RPL18: variants seen among roughly 807,000 people sequenced by gnomAD.
RPL18 encodes the protein large ribosomal subunit protein eL18.
In RPL18, 4 loss-of-function variants were observed where a neutral mutation model predicts 25.0. The ratio of observed to expected loss-of-function variants is 0.16; its 90% confidence interval spans 0.08 to 0.37. The LOEUF (loss-of-function observed/expected upper bound fraction) is 0.37, where lower values mean the gene tolerates loss of function less well. Among genes scored for constraint, RPL18 ranks in the 10% least tolerant of loss-of-function variants. The pLI is 1.00. For synonymous variants in RPL18, 129 were observed against 101.6 expected (o/e 1.27, Z -1.62); for missense variants, 179 against 267.9 (o/e 0.67, Z 2.32).
intron 4 of RPL18, 102 bp downstream of exon 4, chr19:48,616,624 T>C (rs1601138970): frequency 2.4e-6 from 2 of 848,124 alleles, no homozygotes; most frequent in Non-Finnish European, 3.9e-6. Context: ...TCACCAGCGG[T>C]GGCAAGACTG....
intron 1 of RPL18, chr19:48,618,839 A>G: frequency 2.0e-6 from 1 of 505,348 alleles, no homozygotes; most frequent in Non-Finnish European, 3.5e-6. Context: ...AAAGCCAAAT[A>G]ACTAAGAGTG....
rs1974136939 is a variant in RPL18 at position 48,615,402 on chromosome 19, G to A, written c.537C>T (p.Gly179=). 1.1e-5 allele frequency: 18 copies of A among 1,613,044 alleles called. No individual in the cohort carries two copies. Among genetic ancestry groups the A allele is most frequent in the Non-Finnish European group, 1.4e-5 (16 of 1,179,512 alleles). ...TTTTGTAGCCTCGGCTGGCCCGTCG[G>A]CCTCTGGCACGCTCGAACTTCCGGC... ...SKGRKFERAR[G]RRASRGYKN Residue 179 remains glycine, a synonymous_variant, in exon 7 of 7, where the codon GGC becomes GGT. Transcript: ENST00000549920.
chr19:48,615,669 T>A (rs1373656632), intron 6 of RPL18: 20 of 644,210 alleles, frequency 3.1e-5, no homozygotes, highest in Non-Finnish European at 4.9e-5. Flanking sequence ...GTGAACTGCA[T>A]GCTCCCCAGG....
Position 48,615,466 on chromosome 19 carries a change from G to A in RPL18, c.492-19C>T. 6.3e-7 allele frequency: 1 copy of A among 1,599,458 alleles called. No homozygotes were observed. On this transcript the variant is annotated intron_variant, in intron 6 of 6. Coordinates refer to ENST00000549920, the MANE Select transcript of RPL18 (RefSeq NM_000979.4). ...GTAGGGTCTGTGGGGAGAGGAGGGAGTGAGAGGGGGGCCCTCTTAAAGGAG... is the reference window on the plus strand; with the variant it reads ...GTAGGGTCTGTGGGGAGAGGAGGGAATGAGAGGGGGGCCCTCTTAAAGGAG...
At chr19:48,618,826 A>G in intron 1 of RPL18, 1 of 466,826 alleles carries the variant, frequency 2.1e-6, no homozygotes, top group South Asian at 2.8e-5. Context: ...AGATAAAGGC[A>G]GCAAAGCCAA....
At position 48,617,909 on chromosome 19, in the gene RPL18, A is replaced by G. The variant is rs368552562; in HGVS notation, c.4-32T>C. 5.6e-5 allele frequency: 84 copies of G among 1,501,578 alleles called. No homozygotes were observed. In the African/African-American group the frequency reaches 9.8e-4, roughly 17 times the overall value. 93.0% of individuals were successfully genotyped at this position (1,501,578 alleles called of 1,614,324 possible). ...GGGTGAAGAGGCAACCATGGACCCAATTACCCCCAACCATAGCCAATTATT... is the reference window on the plus strand; with the variant it reads ...GGGTGAAGAGGCAACCATGGACCCAGTTACCCCCAACCATAGCCAATTATT... On this transcript the variant is annotated intron_variant, in intron 1 of 6. Coordinates refer to ENST00000549920, the MANE Select transcript of RPL18 (RefSeq NM_000979.4).
chr19:48,617,373 C>T lies in RPL18; in HGVS notation c.141G>A (p.Val47=), dbSNP rs1466908446. The T allele has an allele frequency of 2.5e-6, 4 of 1,614,216 alleles. No homozygotes were observed. Among genetic ancestry groups the T allele is most frequent in the Non-Finnish European group, 3.4e-6 (4 of 1,180,030 alleles). ...RRTNSTFNQV[V]LKRLFMSRTN... ...TGCGACTCATAAACAACCTCTTCAA[C>T]ACAACCTGGTTGAATGTGGAGTTGG... The change falls in exon 3 of 7, where the codon GTG becomes GTA. Residue 47 remains valine, a synonymous_variant. Coordinates refer to ENST00000549920, the MANE Select transcript of RPL18 (RefSeq NM_000979.4).
At chr19:48,615,848 G>C (rs778775546) in intron 6 of RPL18, 29 bp downstream of exon 6, 1 of 1,583,024 alleles carries the variant, frequency 6.3e-7, no homozygotes, top group South Asian at 1.1e-5. Context: ...AGTCTGGGGA[G>C]AGGGCAGGGC....
At chr19:48,617,470 C>A in intron 2 of RPL18, 47 bp from the exon 3 acceptor site, 1 of 1,406,458 alleles carries the variant, frequency 7.1e-7, no homozygotes, top group African/African-American at 1.4e-5. Flanking sequence ...CCTGCTCCCC[C>A]GCAGCCTTCC....
At position 48,619,172 on chromosome 19, in the gene RPL18, G is replaced by C; in HGVS notation, c.-29C>G. 3 of 614,218 alleles carry C rather than the reference G, an allele frequency of 4.9e-6. No homozygotes were observed. The highest frequency in any genetic ancestry group is 8.6e-6 in the Non-Finnish European group (3 of 349,666). The allele number at this position is 614,218 out of a possible 1,614,324, so 38.0% of individuals were successfully genotyped here. A position where few individuals can be genotyped will look rare whatever the true frequency, so the allele number is the denominator to read the frequency against. On this transcript the variant is annotated 5_prime_UTR_variant, in exon 1 of 7. Coordinates refer to ENST00000549920, the MANE Select transcript of RPL18 (RefSeq NM_000979.4). The stretch of plus-strand genomic sequence containing the variant: ...GGCGCCTCCTGCTCGGCCAGGTCCG[G>C]AAAGAGAGAACGGGCTGGGGTGGGC...
rs1974145884 is a variant in RPL18 at position 48,615,716 on chromosome 19, G to C, written c.491+161C>G. 1.4e-5 allele frequency: 10 copies of C among 700,288 alleles called. No individual in the cohort carries two copies. In the South Asian group the frequency reaches 1.7e-4, roughly 12 times the overall value. The allele number at this position is 700,288 out of a possible 1,614,324, so 43.4% of individuals were successfully genotyped here. A position where few individuals can be genotyped will look rare whatever the true frequency, so the allele number is the denominator to read the frequency against. ...CAGGCCCTGGAAAACACAGCTCCAA[G>C]CAGTGTTGAAGGGAAAAGCAGGCAG... On this transcript the variant is annotated intron_variant, in intron 6 of 6. Transcript: ENST00000549920.
At chr19:48,615,598 G>A (rs1974143219) in intron 6 of RPL18, 151 bp from the exon 7 acceptor site, 2 of 723,190 alleles carry the variant, frequency 2.8e-6, no homozygotes, top group Non-Finnish European at 4.7e-6. Context: ...GGAGCCAGGA[G>A]GGGCTATGGA....
At position 48,617,322 on chromosome 19, in the gene RPL18, G is replaced by C; in HGVS notation, c.192C>G (p.Ser64=). 1 of 1,613,828 alleles carries C rather than the reference G, an allele frequency of 6.2e-7. No homozygotes were observed. Among genetic ancestry groups the C allele is most frequent in the Admixed American group, 1.7e-5 (1 of 60,010 alleles). Residue 64 remains serine, a synonymous_variant, in exon 3 of 7, where the codon TCC becomes TCG. Transcript: ENST00000549920. ...SRTNRPPLSL[S]RMIRKMKLPG... ...CTCTGGACCAGCCACTCACCATCCG[G>C]GAAAGGGACAGAGGCGGCCGGTTGG...
At chr19:48,618,151 TG>T in intron 1 of RPL18, 1 of 303,806 alleles carries the variant, frequency 3.3e-6, no homozygotes, top group Non-Finnish European at 6.2e-6. Flanking sequence ...CTTTACAACT[TG>T]TATTTTGCAA....
At chr19:48,615,738 G>A (rs1356293039) in intron 6 of RPL18, 139 bp downstream of exon 6, 11 of 762,562 alleles carry the variant, frequency 1.4e-5, no homozygotes, top group Non-Finnish European at 2.4e-5. Context: ...GGAAAAGCAG[G>A]CAGGATGAGG....
chr19:48,616,061 C>T lies in RPL18; in HGVS notation c.421+18G>A, dbSNP rs1023036681. The T allele has an allele frequency of 1.3e-5, 21 of 1,613,978 alleles. No homozygotes were observed. Among genetic ancestry groups the T allele is most frequent in the East Asian group, 6.7e-5 (3 of 44,894 alleles). ...GCCACACAGCTCAGTCCAAACCCGT[C>T]GACCACGTATCACTCACCGGAGAGC... On this transcript the variant is annotated intron_variant, in intron 5 of 6. Transcript: ENST00000549920.
chr19:48,617,115 A>G (rs976844105), intron 3 of RPL18: 4 of 711,298 alleles, frequency 5.6e-6, no homozygotes, highest in African/African-American at 5.2e-5. Flanking sequence ...TCACAAAGAG[A>G]AGGAGAGGAG....
chr19:48,616,060 T>A lies in RPL18; in HGVS notation c.421+19A>T, dbSNP rs944507754. 2 of 1,614,084 alleles carry A rather than the reference T, an allele frequency of 1.2e-6. No homozygotes were observed. Among genetic ancestry groups the A allele is most frequent in the Non-Finnish European group, 1.7e-6 (2 of 1,179,980 alleles). ...AGCCACACAGCTCAGTCCAAACCCG[T>A]CGACCACGTATCACTCACCGGAGAG... On this transcript the variant is annotated intron_variant, in intron 5 of 6. Transcript: ENST00000549920.
intron 1 of RPL18, 23 bp downstream of exon 1, chr19:48,619,118 C>T: frequency 6.3e-7 from 1 of 1,599,430 alleles, no homozygotes; most frequent in Non-Finnish European, 8.5e-7. Flanking sequence ...TATCCAGCCC[C>T]GAACGCCGCA....
Sources: gnomAD v4.1 joint callset for allele counts on GRCh38, gnomAD v4.1.1 for gene constraint, MANE v1.5 for transcripts, NCBI Gene and HGNC (gene_info 2026-07-23, HGNC 2026-07-21) for gene names.